Variants in SLAIN2 observed in about 807,000 individuals in gnomAD.
The protein encoded by SLAIN2 is SLAIN family member 2.
SLAIN2 carries 31 observed loss-of-function variants against 56.6 expected under a neutral mutation model. That is an observed-to-expected ratio of 0.55 (90% CI 0.41 to 0.74). The LOEUF is 0.74. Ranked by LOEUF, SLAIN2 falls within the 30% of genes least tolerant of loss-of-function variation. The pLI, the probability that SLAIN2 is intolerant of heterozygous loss-of-function variation, is 0.00. For synonymous variants in SLAIN2, 317 were observed against 284.9 expected (o/e 1.11, Z -1.13); for missense variants, 777 against 754.2 (o/e 1.03, Z -0.35).
intron 6 of SLAIN2, among the ~76,000 whole-genome samples, chr4:48,412,318 G>GCAATT: frequency 6.7e-6 from 1 of 150,302 alleles, no homozygotes; most frequent in African/African-American, 2.5e-5. Flanking sequence ...CCAGGGTGGA[G>GCAATT]ATATCTAATG....
intron 2 of SLAIN2, among the ~76,000 whole-genome samples, chr4:48,373,767 G>A (rs1201415147): frequency 3.3e-5 from 5 of 152,128 alleles, no homozygotes; most frequent in African/African-American, 9.7e-5. Context: ...GTGGCCGGGC[G>A]CAGTGGCTTA....
chr4:48,403,243 C>A (rs1577733582), intron 6 of SLAIN2, among the ~76,000 whole-genome samples: 2 of 152,176 alleles, frequency 1.3e-5, no homozygotes, highest in Non-Finnish European at 2.9e-5. Flanking sequence ...TTTTGTGGAG[C>A]AGGTGTGGTG....
chr4:48,410,400 T>A (rs1716813686), intron 6 of SLAIN2, among the ~76,000 whole-genome samples: 1 of 152,156 alleles, frequency 6.6e-6, no homozygotes, highest in African/African-American at 2.4e-5. Flanking sequence ...TCACTTTCTT[T>A]ATGGTATCCT....
chr4:48,412,145 TTAAAC>T (rs1489961276), intron 6 of SLAIN2, among the ~76,000 whole-genome samples: 1 of 152,192 alleles, frequency 6.6e-6, no homozygotes, highest in Non-Finnish European at 1.5e-5. Context: ...TGTTAATTTA[TTAAAC>T]TAAAATACAA....
intron 1 of SLAIN2, among the ~76,000 whole-genome samples, chr4:48,346,371 A>G (rs1714865415): frequency 6.6e-6 from 1 of 152,088 alleles, no homozygotes; most frequent in South Asian, 2.1e-4. Context: ...GCCCATTTTA[A>G]GCTACATTCT....
intron 6 of SLAIN2, among the ~76,000 whole-genome samples, chr4:48,390,164 T>G (rs1716201022): frequency 6.7e-6 from 1 of 148,964 alleles, no homozygotes; most frequent in Admixed American, 6.8e-5. Flanking sequence ...AACCTCCACC[T>G]CCCAGGTTCC....
chr4:48,424,591 TAACTC>T lies in SLAIN2; in HGVS notation c.*2517_*2521del, dbSNP rs889225673. The T allele has an allele frequency of 2.2e-4, 34 of 152,264 alleles. 1 individual carries two copies. Among genetic ancestry groups the T allele is most frequent in the Non-Finnish European group, 3.2e-4 (22 of 67,978 alleles). The allele number at this position is 152,264 out of a possible 1,614,324, so 9.4% of individuals were successfully genotyped here. A position where few individuals can be genotyped will look rare whatever the true frequency, so the allele number is the denominator to read the frequency against. On this transcript the variant is annotated 3_prime_UTR_variant, in exon 8 of 8. Transcript: ENST00000264313. ...GAATTGGAAAAAATATAAATATTCT[TAACTC>T]AAGCATTTGCTGGATCATTTTTCTA... is the stretch of plus-strand genomic sequence containing the variant.
Position 48,382,629 on chromosome 4 carries a change from T to C in SLAIN2, c.924T>C (p.Ser308=), listed in dbSNP as rs757117462. The C allele has an allele frequency of 5.0e-6, 8 of 1,613,320 alleles. No individual in the cohort carries two copies. The highest frequency in any genetic ancestry group is 6.8e-6 in the Non-Finnish European group (8 of 1,179,308). The change falls in exon 5 of 8, where the codon TCT becomes TCC. Residue 308 remains serine, a synonymous_variant. Transcript: ENST00000264313. The part of the protein sequence containing the change: ...SRRSSGSSCN[S]TRRGTFSDQE... ...GCAGTTCTGGTTCATCTTGCAATTC[T>C]ACAAGACGGGGTACTTTTAGTGATC...
chr4:48,378,104 C>T (rs1715876228), intron 3 of SLAIN2, 44 bp downstream of exon 3: 3 of 1,559,386 alleles, frequency 1.9e-6, no homozygotes, highest in Non-Finnish European at 2.6e-6. Context: ...TGTTTTTTAG[C>T]TTACTGCACT....
intron 2 of SLAIN2, among the ~76,000 whole-genome samples, chr4:48,376,885 AC>A (rs1373314166): frequency 2.1e-5 from 3 of 143,354 alleles, no homozygotes; most frequent in Non-Finnish European, 3.0e-5. Context: ...TGCTGGGATT[AC>A]AAGCGTGAGC....
At chr4:48,417,586 A>G (rs1351615877) in intron 6 of SLAIN2, among the ~76,000 whole-genome samples, 1 of 109,972 alleles carries the variant, frequency 9.1e-6, no homozygotes, top group Non-Finnish European at 1.9e-5. Flanking sequence ...ATGAACATTG[A>G]TGCAAAAATC....
chr4:48,355,544 C>G (rs1262359983), intron 1 of SLAIN2, among the ~76,000 whole-genome samples: 2 of 152,080 alleles, frequency 1.3e-5, no homozygotes, highest in Non-Finnish European at 2.9e-5. Context: ...CAGGAATCCT[C>G]ACATACCTGT....
chr4:48,422,170 ACT>A lies in SLAIN2; in HGVS notation c.*96_*97del. On this transcript the variant is annotated 3_prime_UTR_variant, in exon 8 of 8. Coordinates refer to ENST00000264313, the MANE Select transcript of SLAIN2 (RefSeq NM_020846.2). ...TTTATATGCAGACTGTTCAGATAAG[ACT>A]CTTGGGATTTATAAAATCCCAGCCC... 1 of 920,124 alleles carries A rather than the reference ACT, an allele frequency of 1.1e-6. No homozygotes were observed. 57.0% of individuals were successfully genotyped at this position (920,124 alleles called of 1,614,324 possible).
At chr4:48,400,028 G>T (rs1320459340) in intron 6 of SLAIN2, among the ~76,000 whole-genome samples, 1 of 152,176 alleles carries the variant, frequency 6.6e-6, no homozygotes, top group Non-Finnish European at 1.5e-5. Flanking sequence ...AAATGAGTTA[G>T]AGAGGAGTCT....
At chr4:48,410,670 G>A (rs1385787043) in intron 6 of SLAIN2, among the ~76,000 whole-genome samples, 4 of 152,116 alleles carry the variant, frequency 2.6e-5, no homozygotes. Context: ...CTGGCCTGCA[G>A]CACCAGCACC....
Position 48,414,786 on chromosome 4 carries a change from C to A in SLAIN2, c.1361-5339C>A, listed in dbSNP as rs1293159140. ...ATGTGATCTCATTGTTCAATTCCCA[C>A]CTATGAGTGAGAATATGCGGTGTTT... On this transcript the variant is annotated intron_variant, in intron 6 of 7. Transcript: ENST00000264313. Among the ~76,000 whole-genome samples, 4 of 86,736 alleles carry A rather than the reference C, an allele frequency of 4.6e-5. No homozygotes were observed. The East Asian group carries it at 1.3e-3, about 28-fold the overall frequency. The allele number at this position is 86,736 out of a possible 152,430, so 56.9% of individuals were successfully genotyped here. A position where few individuals can be genotyped will look rare whatever the true frequency, so the allele number is the denominator to read the frequency against.
intron 7 of SLAIN2, 135 bp downstream of exon 7, chr4:48,420,578 T>C: frequency 1.0e-6 from 1 of 965,172 alleles, no homozygotes; most frequent in Non-Finnish European, 1.5e-6. Flanking sequence ...TAGTACCATT[T>C]GAATAAAACT....
chr4:48,395,328 C>G (rs558819540), intron 6 of SLAIN2, among the ~76,000 whole-genome samples: 3 of 151,866 alleles, frequency 2.0e-5, no homozygotes, highest in African/African-American at 7.2e-5. Flanking sequence ...AAGTATTTTT[C>G]CTATCCAGAA....
chr4:48,386,768 C>G (rs931504826), intron 6 of SLAIN2, among the ~76,000 whole-genome samples: 1 of 152,074 alleles, frequency 6.6e-6, no homozygotes, highest in African/African-American at 2.4e-5. Flanking sequence ...TCTTTGAAAT[C>G]GTGAGTGATA....
Sources: gnomAD v4.1 joint callset for allele counts (sites outside exome capture counted in the v4.1 genomes callset) on GRCh38, gnomAD v4.1.1 for gene constraint, MANE v1.5 for transcripts, NCBI Gene and HGNC (gene_info 2026-07-23, HGNC 2026-07-21) for gene names.